Variants in C4orf50 observed in about 807,000 individuals in gnomAD.
C4orf50 encodes uncharacterized protein C4orf50.
A neutral mutation model predicts 77.2 loss-of-function variants in C4orf50; 80 were observed. That is an observed-to-expected ratio of 1.04 (90% confidence interval 0.87 to 1.25). The LOEUF (loss-of-function observed/expected upper bound fraction) is 1.25. Among genes scored for constraint, C4orf50 ranks in the 50% most tolerant of loss-of-function variants. The pLI, the probability that C4orf50 is intolerant of heterozygous loss-of-function variation, is 0.00. For missense variants in C4orf50, 1,257 were observed against 1,152.9 expected (o/e 1.09, Z -1.31); for synonymous variants, 532 against 465.3 (o/e 1.14, Z -1.84).
chr4:5,927,963 G>T (rs1577897513), intron 7 of C4orf50, among the ~76,000 whole-genome samples: 2 of 152,160 alleles, frequency 1.3e-5, no homozygotes, highest in African/African-American at 2.4e-5. Flanking sequence ...TGCCACTGAT[G>T]TGTCCTGAGT....
Position 5,970,741 on chromosome 4 carries a change from C to T in C4orf50, c.4104+2918G>A, listed in dbSNP as rs769693060. ...TGCTGCTTGCATGGGCACCAGGCCA[C>T]GCCACCTCCTCCTGAAAGGGTAGAG... On this transcript the variant is annotated intron_variant, in intron 31 of 33. Transcript: ENST00000531445. The surrounding 1 kb of genome is among the most constrained non-coding windows in gnomAD (Gnocchi z 4.3). Among the ~76,000 whole-genome samples the T allele has an allele frequency of 3.9e-5, 6 of 152,326 alleles. No individual in the cohort carries two copies. The highest frequency in any genetic ancestry group is 1.9e-4 in the East Asian group (1 of 5,166).
chr4:6,013,485 C>T (rs981601921), intron 23 of C4orf50, among the ~76,000 whole-genome samples: 9 of 152,204 alleles, frequency 5.9e-5, no homozygotes, highest in African/African-American at 1.9e-4. Flanking sequence ...TTCACTTTGG[C>T]AGGGTGAATT....
intron 7 of C4orf50, among the ~76,000 whole-genome samples, chr4:5,930,939 G>T (rs1717742476): frequency 1.3e-5 from 2 of 152,190 alleles, no homozygotes; most frequent in African/African-American, 4.8e-5. Context: ...GATAAAGAAG[G>T]AAAGAAGGGA....
chr4:5,988,658 G>C, exon 28 of C4orf50: 9 of 1,536,052 alleles, frequency 5.9e-6, no homozygotes, highest in Non-Finnish European at 6.1e-6. Flanking sequence ...TCTTTGTCTA[G>C]AGCGTGCATC....
chr4:5,936,613 G>C (rs891545799), intron 7 of C4orf50, among the ~76,000 whole-genome samples: 1 of 142,466 alleles, frequency 7.0e-6, no homozygotes, highest in Non-Finnish European at 1.5e-5. Context: ...ACATAAGTTA[G>C]ATATAGAGGT....
intron 7 of C4orf50, among the ~76,000 whole-genome samples, chr4:5,949,647 T>G (rs1468169061): frequency 1.3e-5 from 2 of 152,138 alleles, no homozygotes; most frequent in South Asian, 2.1e-4. Flanking sequence ...ACAATGTAAA[T>G]AAATGTATTT....
intron 7 of C4orf50, chr4:5,903,915 C>T (rs753527509): frequency 2.6e-5 from 4 of 152,144 alleles, no homozygotes; most frequent in Non-Finnish European, 4.4e-5. Flanking sequence ...CATTTGTGGG[C>T]CAAATCTGGC....
rs2152479644 is a variant in C4orf50 at position 5,901,277 on chromosome 4, A to G, written c.*2475-3089T>C. The G allele has an allele frequency of 6.6e-6, 1 of 152,370 alleles. No homozygotes were observed. The highest frequency in any genetic ancestry group is 2.1e-4 in the South Asian group (1 of 4,830). 9.4% of individuals were successfully genotyped at this position (152,370 alleles called of 1,614,324 possible). On this transcript the variant is annotated intron_variant, in intron 7 of 7. Transcript: ENST00000324058. The surrounding 1 kb of genome is among the most constrained non-coding windows in gnomAD (Gnocchi z 4.4). ...TGTGCATTATATTAATGACATGAGT[A>G]AAGTATATGCACAACATGTAATTCT...
At position 6,008,165 on chromosome 4, in the gene C4orf50, CG is replaced by C. The variant is rs1445602541; in HGVS notation, c.793del (p.Arg265GlyfsTer21). On this transcript the variant is annotated frameshift_variant, in exon 25 of 34. Coordinates refer to ENST00000531445, the Ensembl canonical transcript of C4orf50. LOFTEE classifies it high-confidence loss of function. This position sits in a 1 kb window ranked among gnomAD's most constrained non-coding sequence, Gnocchi z 6.0. ...CCCGCGGAGCTGGCGCTCGGTGGCC[CG>C]GTGCTCCTGCAGGCTGCGCGCCGCC... 2.5e-6 allele frequency: 1 copy of C among 398,624 alleles called. No homozygotes were observed. The highest frequency in any genetic ancestry group is 2.1e-5 in the African/African-American group (1 of 48,606). The allele number at this position is 398,624 out of a possible 1,614,324, so 24.7% of individuals were successfully genotyped here.
chr4:5,950,732 G>A (rs59927572), intron 7 of C4orf50, among the ~76,000 whole-genome samples: 1 of 151,968 alleles, frequency 6.6e-6, no homozygotes, highest in Non-Finnish European at 1.5e-5. Context: ...TCACGACATC[G>A]ATCAGGACTT....
intron 7 of C4orf50, among the ~76,000 whole-genome samples, chr4:5,936,434 C>T (rs779342853): frequency 6.6e-6 from 1 of 151,616 alleles, no homozygotes; most frequent in Non-Finnish European, 1.5e-5. Context: ...TGGTGGCGGG[C>T]GCCTCTAATC....
downstream of C4orf50, among the ~76,000 whole-genome samples, chr4:5,955,455 G>A (rs567202791): frequency 6.6e-6 from 1 of 152,150 alleles, no homozygotes. This position sits in a 1 kb window ranked among gnomAD's most constrained non-coding sequence, Gnocchi z 5.1. Context: ...CACTGGCCAC[G>A]TGATACCTTT....
At chr4:5,990,625 G>A in exon 28 of C4orf50, 2 of 399,098 alleles carry the variant, frequency 5.0e-6, no homozygotes, top group Non-Finnish European at 8.8e-6. Context: ...CCAAGAAGCG[G>A]AGTCCCCAGC....
chr4:6,004,916 C>T (rs1355848582), intron 25 of C4orf50, among the ~76,000 whole-genome samples: 2 of 152,102 alleles, frequency 1.3e-5, no homozygotes, highest in Non-Finnish European at 2.9e-5. Context: ...ATACCGGGCA[C>T]TGAGCTAAGA....
chr4:5,926,279 C>T (rs1057212598), intron 7 of C4orf50, among the ~76,000 whole-genome samples: 1 of 152,208 alleles, frequency 6.6e-6, no homozygotes, highest in Non-Finnish European at 1.5e-5. Flanking sequence ...CGTGCTATCA[C>T]CTGCTACGGC....
chr4:5,988,580 T>A, exon 28 of C4orf50: 1 of 1,536,600 alleles, frequency 6.5e-7, no homozygotes, highest in Non-Finnish European at 8.7e-7. Flanking sequence ...GCCAGACTCA[T>A]TTCCTCCTCC....
chr4:5,960,787 T>C (rs28565909), intron 33 of C4orf50, among the ~76,000 whole-genome samples: 2,073 of 152,288 alleles, frequency 0.014, 59 homozygotes, highest in African/African-American at 0.047. Flanking sequence ...GGTTCTGTTA[T>C]GTGTTTAAAA....
intron 7 of C4orf50, among the ~76,000 whole-genome samples, chr4:5,925,370 G>A (rs953008358): frequency 6.6e-6 from 1 of 152,218 alleles, no homozygotes; most frequent in African/African-American, 2.4e-5. Flanking sequence ...AGGCAGGGAG[G>A]CATGGGGAGC....
chr4:5,959,460 C>T (rs867053142), exon 34 of C4orf50: 1 of 1,614,200 alleles, frequency 6.2e-7, no homozygotes, highest in Non-Finnish European at 8.5e-7. Context: ...AGCCAGGATC[C>T]TTGCTGGGCT....
Sources: allele counts gnomAD v4.1 joint callset (sites outside exome capture counted in the v4.1 genomes callset), GRCh38; gene constraint gnomAD v4.1.1; non-coding constraint Gnocchi (gnomAD v3.1); transcripts MANE v1.5; gene names NCBI Gene and HGNC (gene_info 2026-07-23, HGNC 2026-07-21).